The following TULP4 variants were observed in gnomAD, a reference collection of about 807,000 sequenced individuals.
The protein encoded by TULP4 is TUB like protein 4.
A neutral mutation model predicts 129.0 loss-of-function variants in TULP4; 16 were observed. The observed-to-expected ratio is 0.12, with a 90% confidence interval of 0.08 to 0.19. TULP4 has a LOEUF of 0.19. TULP4 is among the 10% of genes least tolerant of loss of function. TULP4 has a pLI of 1.00. For missense variants in TULP4, 1,842 were observed against 2,059.1 expected, an observed-to-expected ratio of 0.89 and a Z score of 2.04; for synonymous variants, 998 against 854.0, an observed-to-expected ratio of 1.17 and a Z score of -2.94.
At position 158,452,256 on chromosome 6, in the gene TULP4, T is replaced by C; in HGVS notation, c.847T>C (p.Ser283Pro). 1.2e-6 allele frequency: 2 copies of C among 1,614,096 alleles called. No homozygotes were observed. Among genetic ancestry groups the C allele is most frequent in the Non-Finnish European group, 1.7e-6 (2 of 1,179,994 alleles). ...YDDLSPTVIRSGLKEVVAQWC... is the reference protein window; with the variant it reads ...YDDLSPTVIRPGLKEVVAQWC... ...TGACTTGTCTCCCACGGTCATCCGC[T>C]CAGGGCTGAAAGGTACAGAATGCTG... Residue 283 changes from serine to proline, a missense_variant, in exon 5 of 14, where the codon TCA (serine) becomes CCA (proline). By Grantham distance (74) the Ser-to-Pro change is moderately conservative (BLOSUM62 -1). This residue lies in a region of TULP4 where 456 missense variants were observed against 534.3 expected (regional missense o/e 0.85). Transcript: ENST00000367097.
chr6:158,504,270 G>A (rs1272464210), intron 13 of TULP4, 92 bp downstream of exon 13: 33 of 1,048,582 alleles, frequency 3.1e-5, no homozygotes, highest in Non-Finnish European at 3.8e-5. Context: ...AGGCCAAATG[G>A]GAAATGTGGA....
At chr6:158,501,034 C>T (rs902126548) in intron 12 of TULP4, among the ~76,000 whole-genome samples, 2 of 152,036 alleles carry the variant, frequency 1.3e-5, no homozygotes, top group African/African-American at 4.8e-5. Context: ...AGCTGAACTC[C>T]TGCTACTGCA....
chr6:158,488,524 C>G (rs773886661), intron 8 of TULP4, among the ~76,000 whole-genome samples: 6 of 152,130 alleles, frequency 3.9e-5, no homozygotes, highest in Non-Finnish European at 5.9e-5. Flanking sequence ...TTTTCTGCCT[C>G]AGAGGGGCCC....
At chr6:158,500,791 C>T (rs1780428092) in intron 12 of TULP4, among the ~76,000 whole-genome samples, 1 of 152,242 alleles carries the variant, frequency 6.6e-6, no homozygotes, top group Non-Finnish European at 1.5e-5. Flanking sequence ...AAAGGCCAGG[C>T]AGGGTGGCTC....
At chr6:158,461,422 A>T in intron 5 of TULP4, 141 bp from the exon 6 acceptor site, 1 of 881,140 alleles carries the variant, frequency 1.1e-6, no homozygotes, top group Non-Finnish European at 1.6e-6. Context: ...AAAAAAAAAA[A>T]AAAAGGAAAA....
intron 1 of TULP4, among the ~76,000 whole-genome samples, chr6:158,319,457 A>G (rs1175703896): frequency 6.6e-6 from 1 of 152,182 alleles, no homozygotes; most frequent in East Asian, 1.9e-4. Context: ...AGAAGCAGAA[A>G]AACCCTGTGT....
chr6:158,427,164 GAC>G (rs1266134119), intron 2 of TULP4, among the ~76,000 whole-genome samples: 1 of 152,148 alleles, frequency 6.6e-6, no homozygotes, highest in African/African-American at 2.4e-5. Context: ...ATGAACTACT[GAC>G]ACACGGAATT....
At chr6:158,351,984 A>G (rs1052609304) in intron 1 of TULP4, among the ~76,000 whole-genome samples, 1 of 152,042 alleles carries the variant, frequency 6.6e-6, no homozygotes, top group Non-Finnish European at 1.5e-5. Context: ...GGCCTCCCAA[A>G]GTGCTGGGAT....
At chr6:158,359,818 C>T (rs1482412173) in intron 1 of TULP4, among the ~76,000 whole-genome samples, 2 of 152,194 alleles carry the variant, frequency 1.3e-5, no homozygotes, top group Non-Finnish European at 2.9e-5. Context: ...CAGAATTTAT[C>T]TTCTCTTCCC....
chr6:158,487,776 A>G (rs1780106419), intron 8 of TULP4, among the ~76,000 whole-genome samples: 1 of 152,250 alleles, frequency 6.6e-6, no homozygotes, highest in African/African-American at 2.4e-5. Context: ...AACACTGAAC[A>G]AGCAGGGCTG....
At chr6:158,444,986 TG>T (rs1779000996) in intron 3 of TULP4, among the ~76,000 whole-genome samples, 1 of 152,132 alleles carries the variant, frequency 6.6e-6, no homozygotes, top group Non-Finnish European at 1.5e-5. Context: ...TACATCTTTT[TG>T]TTTTTTTTAG....
At chr6:158,235,859 C>G (rs929868292) in intron 1 of TULP4, among the ~76,000 whole-genome samples, 1 of 152,318 alleles carries the variant, frequency 6.6e-6, no homozygotes, top group South Asian at 2.1e-4. Context: ...TTTATTAAAA[C>G]AAATTAAATT....
intron 6 of TULP4, among the ~76,000 whole-genome samples, chr6:158,478,240 A>T (rs679786): frequency 2.0e-5 from 3 of 152,236 alleles, no homozygotes; most frequent in South Asian, 2.1e-4. Flanking sequence ...ACCCCTGAAC[A>T]TAAAAGTTAG....
intron 9 of TULP4, among the ~76,000 whole-genome samples, chr6:158,489,973 G>A (rs900034983): frequency 6.6e-6 from 1 of 152,226 alleles, no homozygotes; most frequent in Non-Finnish European, 1.5e-5. Context: ...CTAGGGGTTA[G>A]CAGTGATGGT....
intron 3 of TULP4, among the ~76,000 whole-genome samples, chr6:158,435,926 C>T (rs1225000298): frequency 2.7e-5 from 4 of 146,976 alleles, no homozygotes; most frequent in Non-Finnish European, 6.0e-5. Context: ...AACTGGGACT[C>T]TTTTTTTTTT....
At chr6:158,333,440 G>A (rs1467835011) in intron 1 of TULP4, among the ~76,000 whole-genome samples, 1 of 152,174 alleles carries the variant, frequency 6.6e-6, no homozygotes, top group Non-Finnish European at 1.5e-5. Context: ...GGACTTTCTA[G>A]CCTCCAGAAC....
intron 1 of TULP4, among the ~76,000 whole-genome samples, chr6:158,284,625 G>A (rs545177636): frequency 1.3e-5 from 2 of 152,312 alleles, no homozygotes; most frequent in Non-Finnish European, 2.9e-5. Flanking sequence ...TCAGTGCTGT[G>A]GTTATAATGG....
At chr6:158,371,556 A>T (rs1777070135) in intron 1 of TULP4, among the ~76,000 whole-genome samples, 1 of 152,276 alleles carries the variant, frequency 6.6e-6, no homozygotes, top group South Asian at 2.1e-4. Flanking sequence ...ATTTTTAGAA[A>T]ATTTGGTGAG....
chr6:158,242,084 G>T, intron 1 of TULP4: 1 of 809,410 alleles, frequency 1.2e-6, no homozygotes, highest in South Asian at 1.3e-5. Context: ...TGATTGTAAA[G>T]TTGCAGAGCC....
Sources: allele counts gnomAD v4.1 joint callset (sites outside exome capture counted in the v4.1 genomes callset), GRCh38; gene constraint gnomAD v4.1.1; regional missense constraint gnomAD v4.1.1; transcripts MANE v1.5; gene names NCBI Gene and HGNC (gene_info 2026-07-23, HGNC 2026-07-21).